The following AMBRA1 variants were observed in gnomAD, a reference collection of about 807,000 sequenced individuals.
The protein encoded by AMBRA1 is autophagy and beclin 1 regulator 1.
Under a neutral mutation model 125.4 loss-of-function variants are expected in AMBRA1, and 47 were observed. The ratio of observed to expected loss-of-function variants is 0.37; its 90% confidence interval spans 0.30 to 0.48. AMBRA1 has a LOEUF of 0.48. AMBRA1 is among the 20% of genes least tolerant of loss of function. The probability of loss-of-function intolerance (pLI) is 0.99; values close to 1 mark genes in which losing one functional copy is unlikely to be tolerated. For synonymous variants in AMBRA1, 626 were observed against 655.5 expected, an observed-to-expected ratio of 0.95 and a Z score of 0.69; for missense variants, 1,331 against 1,693.4, an observed-to-expected ratio of 0.79 and a Z score of 3.76.
chr11:46,577,976 A>G (rs1565317676), intron 1 of AMBRA1, among the ~76,000 whole-genome samples: 2 of 151,840 alleles, frequency 1.3e-5, no homozygotes, highest in Non-Finnish European at 2.9e-5. Flanking sequence ...CAAAACAAAA[A>G]CGCTAGAAGC....
intron 7 of AMBRA1, among the ~76,000 whole-genome samples, chr11:46,528,621 G>T (rs1008077854): frequency 3.3e-5 from 5 of 152,164 alleles, no homozygotes; most frequent in Non-Finnish European, 5.9e-5. Context: ...TGGCTGCCAG[G>T]GGCTTGTGGG....
intron 14 of AMBRA1, chr11:46,428,961 A>G (rs1351767614): frequency 4.3e-6 from 7 of 1,612,274 alleles, no homozygotes; most frequent in Non-Finnish European, 5.1e-6. Flanking sequence ...AAATGTCTCC[A>G]GGCAAACTGT....
chr11:46,434,323 T>A (rs1233763709), intron 13 of AMBRA1, among the ~76,000 whole-genome samples: 3 of 151,324 alleles, frequency 2.0e-5, no homozygotes, highest in Non-Finnish European at 4.4e-5. Flanking sequence ...TAGTCAACTC[T>A]TAAAAAAAAA....
intron 14 of AMBRA1, chr11:46,429,221 C>A: frequency 8.0e-7 from 1 of 1,256,870 alleles, no homozygotes; most frequent in Admixed American, 2.0e-5. Flanking sequence ...CTACCAGCGG[C>A]CCCCTACCCC....
chr11:46,438,112 T>G (rs1270266052), intron 12 of AMBRA1, among the ~76,000 whole-genome samples: 1 of 152,198 alleles, frequency 6.6e-6, no homozygotes, highest in Non-Finnish European at 1.5e-5. Context: ...GCAACTGGCT[T>G]TCACTTAAAG....
intron 14 of AMBRA1, chr11:46,428,641 T>C (rs896217650): frequency 1.2e-5 from 19 of 1,580,608 alleles, no homozygotes; most frequent in Middle Eastern, 2.3e-4. Flanking sequence ...TGCAAAAGAA[T>C]CCTCTCCAAT....
intron 1 of AMBRA1, among the ~76,000 whole-genome samples, chr11:46,590,846 G>A (rs1591211787): frequency 6.6e-6 from 1 of 151,488 alleles, no homozygotes; most frequent in Admixed American, 6.6e-5. Flanking sequence ...CCGGGAAGTG[G>A]AGGTTGCAGT....
chr11:46,466,345 T>TA (rs60898911), intron 11 of AMBRA1, among the ~76,000 whole-genome samples: 253 of 136,810 alleles, frequency 1.8e-3, no homozygotes, highest in South Asian at 2.6e-3. Context: ...AGACTCTGTC[T>TA]AAAAAAAAAA....
At chr11:46,513,683 G>A (rs1311406600) in intron 7 of AMBRA1, among the ~76,000 whole-genome samples, 3 of 152,110 alleles carry the variant, frequency 2.0e-5, no homozygotes, top group Non-Finnish European at 2.9e-5. Context: ...GACCTTCCAC[G>A]GTCCAGGCAG....
intron 11 of AMBRA1, among the ~76,000 whole-genome samples, chr11:46,469,389 A>G (rs973018201): frequency 2.0e-5 from 3 of 152,162 alleles, no homozygotes; most frequent in African/African-American, 7.2e-5. Flanking sequence ...AAAAAGAAAT[A>G]GAATCCTTAG....
At chr11:46,443,707 A>G (rs1948129939) in intron 11 of AMBRA1, 109 bp from the exon 12 acceptor site, 3 of 908,410 alleles carry the variant, frequency 3.3e-6, no homozygotes, top group Non-Finnish European at 3.4e-6. Context: ...AGGAAAAACT[A>G]GACTATGGCT....
chr11:46,584,553 A>G (rs900854395), intron 1 of AMBRA1, among the ~76,000 whole-genome samples: 22 of 151,850 alleles, frequency 1.4e-4, no homozygotes, highest in Non-Finnish European at 2.9e-4. Flanking sequence ...AAAACAAAAA[A>G]AACAAATGAA....
chr11:46,429,326 G>T (rs1368194200), intron 14 of AMBRA1, among the ~76,000 whole-genome samples: 2 of 152,214 alleles, frequency 1.3e-5, no homozygotes, highest in Non-Finnish European at 2.9e-5. Context: ...AGGAGCAGCC[G>T]CTAAGGTGGC....
chr11:46,575,025 G>A (rs553393414), intron 1 of AMBRA1, among the ~76,000 whole-genome samples: 20 of 152,264 alleles, frequency 1.3e-4, no homozygotes, highest in African/African-American at 4.1e-4. Context: ...TATATCTGAA[G>A]ATATTCTTGG....
In AMBRA1 at chr11:46,443,465, AC is replaced by A; in HGVS notation, c.2632+22del. The A allele has an allele frequency of 4.4e-6, 7 of 1,581,352 alleles. No homozygotes were observed. The South Asian group carries it at 5.5e-5, about 12-fold the overall frequency. ...CAGCAAATATAACCCTTCCACTGAT[AC>A]CCCCATTTGACATTGACTTACCATT... On this transcript the variant is annotated intron_variant, in intron 12 of 17. Transcript: ENST00000683756.
At chr11:46,428,860 G>T in intron 14 of AMBRA1, 2 of 1,611,686 alleles carry the variant, frequency 1.2e-6, no homozygotes, top group Non-Finnish European at 1.7e-6. Flanking sequence ...TCTCTGGACG[G>T]CTACGGCGTA....
intron 11 of AMBRA1, among the ~76,000 whole-genome samples, chr11:46,464,963 T>C (rs1949260246): frequency 6.6e-6 from 1 of 152,126 alleles, no homozygotes. Context: ...GAGAATCACT[T>C]GAACCGGGAG....
intron 1 of AMBRA1, among the ~76,000 whole-genome samples, chr11:46,578,597 A>C (rs1372015823): frequency 1.3e-5 from 2 of 151,750 alleles, no homozygotes; most frequent in Non-Finnish European, 2.9e-5. Flanking sequence ...TTAATAGAAA[A>C]CAATGGCGGG....
intron 11 of AMBRA1, among the ~76,000 whole-genome samples, chr11:46,461,021 C>A (rs116755720): frequency 1.3e-3 from 201 of 152,286 alleles, no homozygotes; most frequent in African/African-American, 4.5e-3. Flanking sequence ...GGCGGGAGGA[C>A]CCCTTGAGCT....
Sources: gnomAD v4.1 joint callset for allele counts (sites outside exome capture counted in the v4.1 genomes callset) on GRCh38, gnomAD v4.1.1 for gene constraint, MANE v1.5 for transcripts, NCBI Gene and HGNC (gene_info 2026-07-23, HGNC 2026-07-21) for gene names.